Variants in CNTN1 observed in about 807,000 individuals in gnomAD.
The protein encoded by CNTN1 is contactin 1, also known as contactin-1.
Under a neutral mutation model 126.4 loss-of-function variants are expected in CNTN1, and 38 were observed. The ratio of observed to expected loss-of-function variants is 0.30; its 90% confidence interval spans 0.23 to 0.39. The LOEUF is 0.39. CNTN1 is among the 10% of genes least tolerant of loss of function. CNTN1 has a pLI of 1.00. For missense variants in CNTN1, 1,009 were observed against 1,248.4 expected (o/e 0.81, Z 2.89); for synonymous variants, 413 against 422.6 (o/e 0.98, Z 0.28).
chr12:40,754,186 C>T (rs1408641269), intron 1 of CNTN1, among the ~76,000 whole-genome samples: 1 of 151,908 alleles, frequency 6.6e-6, no homozygotes, highest in African/African-American at 2.4e-5. Flanking sequence ...AATAGTACCT[C>T]ATTTTTTGGT....
intron 19 of CNTN1, among the ~76,000 whole-genome samples, chr12:41,019,140 G>A (rs1469537364): frequency 3.3e-5 from 5 of 152,092 alleles, no homozygotes; most frequent in African/African-American, 1.2e-4. Context: ...TGGGCAACAA[G>A]AGCGAAACTC....
rs1165049707 is a variant in CNTN1 at position 40,939,370 on chromosome 12, A to G, written c.1264A>G (p.Lys422Glu). Residue 422 changes from lysine (K) to glutamate (E), a missense_variant, in exon 12 of 24, where the codon AAA becomes GAA. Physicochemically the swap from Lys to Glu is moderately conservative, Grantham distance 56 (BLOSUM62 1). Transcript: ENST00000551295. ...APTFEMNPMK[K>E]KILAAKGGRV... Reference sequence around the variant, plus strand: ...AACTTTTGAAATGAATCCTATGAAGAAAAAGATCCTGGCTGCTAAAGGTGG... The same window carrying G: ...AACTTTTGAAATGAATCCTATGAAGGAAAAGATCCTGGCTGCTAAAGGTGG... The G allele has an allele frequency of 6.2e-6, 10 of 1,613,796 alleles. No individual in the cohort carries two copies. Among genetic ancestry groups the G allele is most frequent in the Non-Finnish European group, 8.5e-6 (10 of 1,179,924 alleles).
intron 1 of CNTN1, among the ~76,000 whole-genome samples, chr12:40,725,401 C>CAAAAA (rs34242859): frequency 8.8e-5 from 4 of 45,284 alleles, no homozygotes; most frequent in East Asian, 7.4e-4. Flanking sequence ...AACTCTGTCT[C>CAAAAA]AAAAAAAAAA....
At chr12:40,883,597 A>G (rs545723412) in intron 1 of CNTN1, among the ~76,000 whole-genome samples, 21 of 151,692 alleles carry the variant, frequency 1.4e-4, no homozygotes, top group African/African-American at 5.1e-4. Flanking sequence ...GGTTTAAAGA[A>G]TGTTGCTAGG....
intron 1 of CNTN1, among the ~76,000 whole-genome samples, chr12:40,886,961 G>T (rs571517384): frequency 6.6e-6 from 1 of 152,062 alleles, no homozygotes; most frequent in Admixed American, 6.5e-5. Context: ...TGCTGTTTTG[G>T]TTACTGTAGC....
chr12:41,070,320 A>C lies in CNTN1; in HGVS notation c.*285A>C. The stretch of plus-strand genomic sequence containing the variant: ...TGTGACAGTTGCATGATTTAACCCA[A>C]TGGGACAAGTTACAGTGTTCAATTC... On this transcript the variant is annotated 3_prime_UTR_variant, in exon 24 of 24. Transcript: ENST00000551295. 1.1e-5 allele frequency: 5 copies of C among 460,738 alleles called. No homozygotes were observed. The highest frequency in any genetic ancestry group is 1.6e-5 in the Non-Finnish European group (4 of 249,736). The allele number at this position is 460,738 out of a possible 1,614,324, so 28.5% of individuals were successfully genotyped here. A position where few individuals can be genotyped will look rare whatever the true frequency, so the allele number is the denominator to read the frequency against.
At chr12:40,759,775 T>C (rs1014759621) in intron 1 of CNTN1, among the ~76,000 whole-genome samples, 2 of 57,918 alleles carry the variant, frequency 3.5e-5, no homozygotes, top group Non-Finnish European at 7.4e-5. Flanking sequence ...GGCCCAGATA[T>C]TTTTTTTTTT....
intron 15 of CNTN1, among the ~76,000 whole-genome samples, chr12:40,973,944 A>G (rs1947600283): frequency 1.3e-5 from 2 of 152,166 alleles, no homozygotes; most frequent in South Asian, 4.1e-4. Flanking sequence ...TTAAGAAAAT[A>G]TGGTCAGCTT....
rs149263022 is a variant in CNTN1, at chr12:40,839,009, A to T, written c.-76-69348A>T. Among the ~76,000 whole-genome samples, 650 of 152,366 alleles carry T rather than the reference A, an allele frequency of 4.3e-3. 5 individuals carry two copies. The highest frequency in any genetic ancestry group is 3.9e-3 in the Non-Finnish European group (265 of 68,030). ...GAAACACAAGAGAAGTCTGAAAATG[A>T]TACAAAGAAATCAGAAAAAACAATC... On this transcript the variant is annotated intron_variant, in intron 1 of 23. Transcript: ENST00000551295.
At chr12:40,953,770 C>T (rs1257565648) in intron 14 of CNTN1, among the ~76,000 whole-genome samples, 3 of 150,172 alleles carry the variant, frequency 2.0e-5, no homozygotes, top group Non-Finnish European at 4.5e-5. Context: ...CTTTTTATTA[C>T]ATGTGACAGT....
intron 15 of CNTN1, among the ~76,000 whole-genome samples, chr12:40,964,135 G>A (rs975991500): frequency 1.3e-5 from 2 of 152,044 alleles, no homozygotes; most frequent in Non-Finnish European, 1.5e-5. Flanking sequence ...TGCCACCTGG[G>A]TGAACAAAAC....
At chr12:40,759,002 C>G (rs1294628071) in intron 1 of CNTN1, among the ~76,000 whole-genome samples, 1 of 152,102 alleles carries the variant, frequency 6.6e-6, no homozygotes, top group Middle Eastern at 3.2e-3. Context: ...ACTCTGGATT[C>G]AAGCTATTCT....
At chr12:41,055,521 G>C (rs892853552) in intron 23 of CNTN1, among the ~76,000 whole-genome samples, 6 of 151,956 alleles carry the variant, frequency 3.9e-5, no homozygotes, top group Non-Finnish European at 8.8e-5. Context: ...TTACCACACC[G>C]TACTACAGTT....
At chr12:40,811,200 G>A (rs559360912) in intron 1 of CNTN1, among the ~76,000 whole-genome samples, 46 of 152,178 alleles carry the variant, frequency 3.0e-4, no homozygotes, top group African/African-American at 8.9e-4. Context: ...CCCTGAAATC[G>A]GATTGCTTGA....
chr12:40,984,434 T>C (rs443310), intron 16 of CNTN1, among the ~76,000 whole-genome samples: 97,218 of 151,754 alleles, frequency 0.64, 31,284 homozygotes, highest in Middle Eastern at 0.67. Flanking sequence ...CTGCTCCTTG[T>C]GAGGGCTTCA....
At chr12:40,900,697 A>C (rs1240224049) in intron 1 of CNTN1, among the ~76,000 whole-genome samples, 1 of 152,226 alleles carries the variant, frequency 6.6e-6, no homozygotes, top group African/African-American at 2.4e-5. Context: ...CTGTTTTAGC[A>C]AGCAAGATTT....
At chr12:40,927,925 TG>T (rs1314664340) in intron 6 of CNTN1, among the ~76,000 whole-genome samples, 2 of 151,934 alleles carry the variant, frequency 1.3e-5, no homozygotes, top group Non-Finnish European at 2.9e-5. Flanking sequence ...CTCTTATGAG[TG>T]GGGCACAGGA....
chr12:41,007,241 T>C (rs888009690), intron 17 of CNTN1, among the ~76,000 whole-genome samples: 1 of 151,696 alleles, frequency 6.6e-6, no homozygotes, highest in Non-Finnish European at 1.5e-5. Flanking sequence ...TTTGTATTTT[T>C]AGTAGAGACG....
chr12:40,713,105 AC>A (rs1941964777), intron 1 of CNTN1, among the ~76,000 whole-genome samples: 1 of 152,136 alleles, frequency 6.6e-6, no homozygotes, highest in East Asian at 1.9e-4. Flanking sequence ...GAAAAACACC[AC>A]TAGCTTCTGC....
Sources: gnomAD v4.1 joint callset for allele counts (sites outside exome capture counted in the v4.1 genomes callset) on GRCh38, gnomAD v4.1.1 for gene constraint, MANE v1.5 for transcripts, NCBI Gene and HGNC (gene_info 2026-07-23, HGNC 2026-07-21) for gene names.